Variants in STAP2 observed in about 807,000 individuals in gnomAD.
STAP2 encodes signal-transducing adaptor protein 2.
STAP2 carries 58 observed loss-of-function variants against 52.7 expected under a neutral mutation model. The observed-to-expected ratio is 1.10, with a 90% CI of 0.89 to 1.37. STAP2 has a LOEUF of 1.37. STAP2 is among the 40% of genes most tolerant of loss of function. STAP2 has a pLI of 0.00. For missense variants in STAP2, 522 were observed against 519.4 expected (o/e 1.00, Z -0.05); for synonymous variants, 231 against 210.5 (o/e 1.10, Z -0.84).
chr19:4,338,078 G>A (rs1972007189), intron 1 of STAP2: 1 of 152,404 alleles, frequency 6.6e-6, no homozygotes, highest in Non-Finnish European at 1.5e-5. Flanking sequence ...AGGGCCTCAC[G>A]GGGAACGGAG....
rs1340422469 is a variant in STAP2, at chr19:4,326,894, C to CG, written c.829+47dup. The CG allele has an allele frequency of 2.6e-6, 4 of 1,539,440 alleles. No homozygotes were observed. The Admixed American group carries it at 5.9e-5, about 23-fold the overall frequency. On this transcript the variant is annotated intron_variant, in intron 9 of 12. Coordinates refer to ENST00000594605, the MANE Select transcript of STAP2 (RefSeq NM_001013841.2). ...CTGACTGAGGGGGCGTGGCTGAATG[C>CG]GGGGTCCTCGATCCCTCCCACCTCG... is the stretch of plus-strand genomic sequence containing the variant.
intron 1 of STAP2, among the ~76,000 whole-genome samples, chr19:4,336,314 CTTTTTTTTTT>C (rs978535649): frequency 7.2e-5 from 6 of 83,434 alleles, no homozygotes; most frequent in African/African-American, 3.1e-4. Context: ...TGCACACTGC[CTTTTTTTTTT>C]TTTTTTTTTT....
In STAP2 at chr19:4,324,258, C is replaced by G. The variant is rs937611451; in HGVS notation, c.1148-61G>C. The G allele has an allele frequency of 2.6e-6, 4 of 1,510,648 alleles. No individual in the cohort carries two copies. In the African/African-American group the frequency reaches 5.5e-5, roughly 21 times the overall value. 93.6% of individuals were successfully genotyped at this position (1,510,648 alleles called of 1,614,324 possible). On this transcript the variant is annotated intron_variant, in intron 12 of 12. Transcript: ENST00000594605. ...GGGATCCCCAGTCCATGCCCACCGCCCTGACAGCCACCCAGGACCAGCTAC... is the reference window on the plus strand; with the variant it reads ...GGGATCCCCAGTCCATGCCCACCGCGCTGACAGCCACCCAGGACCAGCTAC...
intron 11 of STAP2, 152 bp downstream of exon 11, chr19:4,325,064 A>AGGAGGC: frequency 1.5e-6 from 1 of 647,268 alleles, no homozygotes. Context: ...GCGTGAACCC[A>AGGAGGC]GGAGGCGGAG....
At chr19:4,336,340 A>C (rs1971980118) in intron 1 of STAP2, among the ~76,000 whole-genome samples, 1 of 81,414 alleles carries the variant, frequency 1.2e-5, no homozygotes, top group South Asian at 3.7e-4. Flanking sequence ...TTTTTTTGAG[A>C]CAGAGTCTCA....
At chr19:4,331,132 C>G (rs2144787737) in intron 4 of STAP2, among the ~76,000 whole-genome samples, 1 of 152,152 alleles carries the variant, frequency 6.6e-6, no homozygotes, top group East Asian at 1.9e-4. Flanking sequence ...AAGTTGGAGA[C>G]CAGCCCGGGC....
chr19:4,328,536 A>G lies in STAP2; in HGVS notation c.590+139T>C, dbSNP rs1017074411. ...AGCTCAGCTCTGACTCCGTCCCCAG[A>G]CGCCCGTCTCGGCTCTGGCTCCGTC... On this transcript the variant is annotated intron_variant, in intron 6 of 12. Transcript: ENST00000594605. 36 of 1,205,058 alleles carry G rather than the reference A, an allele frequency of 3.0e-5. No individual in the cohort carries two copies. The African/African-American group carries it at 4.9e-4, about 16-fold the overall frequency. The allele number at this position is 1,205,058 out of a possible 1,614,324, so 74.6% of individuals were successfully genotyped here.
chr19:4,325,257 G>A lies in STAP2; in HGVS notation c.1031C>T (p.Pro344Leu), dbSNP rs2144778165. ...VILKPKKLPK[P>L]PAKLPKPPVG... ...GGGTGGCTTTGGAAGCTTGGCAGGA[G>A]GCTTTGGCAACTTCTTTGGCTTCAG... is the stretch of plus-strand genomic sequence containing the variant. Residue 344 changes from proline to leucine, a missense_variant, in exon 11 of 13, where the codon CCT becomes CTT. By Grantham distance (98) the Pro-to-Leu change is moderately conservative (BLOSUM62 -3). Transcript: ENST00000594605. 6.2e-7 allele frequency: 1 copy of A among 1,610,358 alleles called. No individual in the cohort carries two copies.
intron 4 of STAP2, 79 bp from the exon 5 acceptor site, chr19:4,330,140 A>G (rs1971866100): frequency 1.8e-6 from 2 of 1,122,580 alleles, no homozygotes; most frequent in Non-Finnish European, 2.7e-6. Flanking sequence ...AGAGTGGCAA[A>G]TTGAGGCCAG....
chr19:4,331,081 T>C (rs903522903), intron 4 of STAP2, among the ~76,000 whole-genome samples: 13 of 151,242 alleles, frequency 8.6e-5, no homozygotes, highest in Non-Finnish European at 1.9e-4. Context: ...TATAATCCTA[T>C]CACTTTGGGA....
rs1166050736 is a variant in STAP2, at chr19:4,335,056, CCCA to C, written c.103-1015_103-1013del. 9.3e-5 allele frequency among the ~76,000 whole-genome samples: 13 copies of C among 139,384 alleles called. No individual in the cohort carries two copies. The East Asian group carries it at 2.8e-3, about 30-fold the overall frequency. 91.4% of individuals were successfully genotyped at this position (139,384 alleles called of 152,430 possible). A position where few individuals can be genotyped will look rare whatever the true frequency, so the allele number is the denominator to read the frequency against. On this transcript the variant is annotated intron_variant, in intron 1 of 12. Transcript: ENST00000594605. ...TATCCATCCATCCCTCCATCATCCA[CCCA>C]CCATCTATCATCCATCCACCCACTC...
At chr19:4,329,007 GT>G (rs112439398) in intron 5 of STAP2, 198 bp from the exon 6 acceptor site, 1,397 of 617,982 alleles carry the variant, frequency 2.3e-3, no homozygotes, top group South Asian at 3.6e-3. Flanking sequence ...GGGGTTTTTT[GT>G]TTTTTTTTTG....
Position 4,324,441 on chromosome 19 carries a change from C to G in STAP2, c.1147+14G>C. The G allele has an allele frequency of 6.4e-7, 1 of 1,554,116 alleles. No homozygotes were observed. Among genetic ancestry groups the G allele is most frequent in the Non-Finnish European group, 8.7e-7 (1 of 1,145,984 alleles). On this transcript the variant is annotated intron_variant, in intron 12 of 12. Transcript: ENST00000594605. Reference sequence around the variant, plus strand: ...TGGGAAGCCCGCCCCGCACTGACCCCGCAGACCCCTTACCGGCTGTGGGGA... The same window carrying G: ...TGGGAAGCCCGCCCCGCACTGACCCGGCAGACCCCTTACCGGCTGTGGGGA...
rs766527371 is a variant in STAP2 at position 4,325,200 on chromosome 19, T to TG, written c.1072+15dup. ...CCTGCCATCAGGTGAGGGTGGGATA[T>TG]GGGGGGGACCCCAACCTGGCTTGGG... On this transcript the variant is annotated intron_variant, in intron 11 of 12. Coordinates refer to ENST00000594605, the MANE Select transcript of STAP2 (RefSeq NM_001013841.2). 6 of 1,566,062 alleles carry TG rather than the reference T, an allele frequency of 3.8e-6. No homozygotes were observed. The highest frequency in any genetic ancestry group is 2.3e-5 in the South Asian group (2 of 86,130).
In STAP2 at chr19:4,325,536, G is replaced by A; in HGVS notation, c.839C>T (p.Pro280Leu). ...CAGCGGCTTGGGGCCACCTGTGCAG[G>A]GTGCAGGACCTGATGGGGAAACGTG... ...APSAPGPGPA[P>L]CTGGPKPLSP... Residue 280 changes from proline to leucine, a missense_variant, in exon 10 of 13, where the codon CCC becomes CTC. Physicochemically the swap from Pro to Leu is moderately conservative, Grantham distance 98. Coordinates refer to ENST00000594605, the MANE Select transcript of STAP2 (RefSeq NM_001013841.2). 3 of 1,593,050 alleles carry A rather than the reference G, an allele frequency of 1.9e-6. No individual in the cohort carries two copies. The highest frequency in any genetic ancestry group is 1.2e-5 in the South Asian group (1 of 86,950).
At position 4,328,661 on chromosome 19, in the gene STAP2, A is replaced by T; in HGVS notation, c.590+14T>A. ...CCTCCTCCCACCCAGGGCTCTCCAGACGCGCATGCGCACCCGTTGTGCATC... is the reference window on the plus strand; with the variant it reads ...CCTCCTCCCACCCAGGGCTCTCCAGTCGCGCATGCGCACCCGTTGTGCATC... On this transcript the variant is annotated intron_variant, in intron 6 of 12. Coordinates refer to ENST00000594605, the MANE Select transcript of STAP2 (RefSeq NM_001013841.2). 1.9e-6 allele frequency: 3 copies of T among 1,582,004 alleles called. No individual in the cohort carries two copies. Among genetic ancestry groups the T allele is most frequent in the Non-Finnish European group, 2.6e-6 (3 of 1,164,632 alleles).
intron 4 of STAP2, 86 bp from the exon 5 acceptor site, chr19:4,330,147 C>T (rs994642400): frequency 1.9e-5 from 20 of 1,040,334 alleles, no homozygotes; most frequent in Non-Finnish European, 2.5e-5. Context: ...CAAATTGAGG[C>T]CAGAGCTCAG....
intron 6 of STAP2, 57 bp downstream of exon 6, chr19:4,328,618 C>G: frequency 5.8e-6 from 9 of 1,538,994 alleles, no homozygotes; most frequent in Non-Finnish European, 7.9e-6. Flanking sequence ...CACGCCCCCG[C>G]GCCCACCCTC....
intron 1 of STAP2, chr19:4,338,120 G>GCGCA (rs1972007935): frequency 6.6e-6 from 1 of 151,366 alleles, no homozygotes; most frequent in Non-Finnish European, 1.5e-5. Flanking sequence ...GGAGACATAA[G>GCGCA]CACACACACA....
Sources: allele counts gnomAD v4.1 joint callset (sites outside exome capture counted in the v4.1 genomes callset), GRCh38; gene constraint gnomAD v4.1.1; transcripts MANE v1.5; gene names NCBI Gene and HGNC (gene_info 2026-07-23, HGNC 2026-07-21).